Variants in PTPRR observed in about 807,000 individuals in gnomAD.
PTPRR encodes receptor-type tyrosine-protein phosphatase R.
A neutral mutation model predicts 77.2 loss-of-function variants in PTPRR; 38 were observed. The ratio of observed to expected loss-of-function variants is 0.49; its 90% CI spans 0.38 to 0.65. PTPRR has a LOEUF of 0.65. Among genes scored for constraint, PTPRR ranks in the 30% least tolerant of loss-of-function variants. The pLI is 0.00. For synonymous variants in PTPRR, 299 were observed against 283.1 expected, an observed-to-expected ratio of 1.06 and a Z score of -0.57; for missense variants, 744 against 799.2, an observed-to-expected ratio of 0.93 and a Z score of 0.83.
intron 2 of PTPRR, among the ~76,000 whole-genome samples, chr12:70,873,153 G>T (rs1892990798): frequency 6.6e-6 from 1 of 152,264 alleles, no homozygotes; most frequent in Non-Finnish European, 1.5e-5. Context: ...TTGGACAGGT[G>T]GTAGGTAAGA....
At chr12:70,838,317 G>A (rs1892339283) in intron 2 of PTPRR, among the ~76,000 whole-genome samples, 1 of 152,090 alleles carries the variant, frequency 6.6e-6, no homozygotes, top group Non-Finnish European at 1.5e-5. Flanking sequence ...ACATGGATTT[G>A]GTCTCAAAGC....
chr12:70,724,917 C>T (rs938239237), intron 6 of PTPRR, among the ~76,000 whole-genome samples: 2 of 151,926 alleles, frequency 1.3e-5, no homozygotes, highest in African/African-American at 4.8e-5. Context: ...CTTAAATATG[C>T]TTTCAAAATT....
intron 2 of PTPRR, among the ~76,000 whole-genome samples, chr12:70,812,922 G>T (rs1025425749): frequency 6.6e-6 from 1 of 152,158 alleles, no homozygotes; most frequent in African/African-American, 2.4e-5. Context: ...CAGTTTAATT[G>T]CTTGCTCATT....
At chr12:70,843,026 T>G (rs1248382179) in intron 2 of PTPRR, among the ~76,000 whole-genome samples, 4 of 152,198 alleles carry the variant, frequency 2.6e-5, no homozygotes, top group Admixed American at 2.0e-4. Context: ...GAAAAGTATT[T>G]TACTCCAGGA....
rs1886709321 is a variant in PTPRR, at chr12:70,659,314, C to G, written c.1766+1626G>C. Among the ~76,000 whole-genome samples, 3 of 152,082 alleles carry G rather than the reference C, an allele frequency of 2.0e-5. No homozygotes were observed. In the South Asian group the frequency reaches 6.2e-4, roughly 32 times the overall value. ...GAATGCGGTATGTGTGTGCATTTTA[C>G]CAGCTACTTCTAAAATACATGGATG... On this transcript the variant is annotated intron_variant, in intron 12 of 13. Transcript: ENST00000283228.
At chr12:70,672,227 T>C (rs776431497) in intron 10 of PTPRR, 57 of 1,586,752 alleles carry the variant, frequency 3.6e-5, no homozygotes, top group Non-Finnish European at 4.4e-5. Context: ...TCCAGCCACA[T>C]GGCCAGATAA....
rs1383303996 is a variant in PTPRR, at chr12:70,892,817, T to C, written c.219A>G (p.Gln73=). The C allele has an allele frequency of 6.2e-7, 1 of 1,613,580 alleles. No homozygotes were observed. ...RHSYHSSSEA[Q]VSKRHQIVNS... ...TGACAATCTGGTGGCGTTTGCTTAC[T>C]TGAGCTTCGGAAGAGGAATGGTAGC... The change falls in exon 2 of 14, where the codon CAA becomes CAG. Residue 73 remains glutamine (Q), a synonymous_variant. Transcript: ENST00000283228.
At chr12:70,868,080 A>T (rs930909814) in intron 2 of PTPRR, among the ~76,000 whole-genome samples, 1 of 152,168 alleles carries the variant, frequency 6.6e-6, no homozygotes, top group African/African-American at 2.4e-5. Context: ...AAACCATAAA[A>T]ACCCTAGACG....
intron 2 of PTPRR, among the ~76,000 whole-genome samples, chr12:70,806,180 C>A (rs996122173): frequency 1.3e-5 from 2 of 152,136 alleles, no homozygotes; most frequent in African/African-American, 4.8e-5. Context: ...GCATCCAAAT[C>A]CTATGTATAT....
chr12:70,912,662 AT>A (rs1893716862), intron 1 of PTPRR, among the ~76,000 whole-genome samples: 1 of 152,152 alleles, frequency 6.6e-6, no homozygotes, highest in African/African-American at 2.4e-5. Context: ...AGATTTGATT[AT>A]GAGGAAAGTT....
chr12:70,659,077 A>AT (rs1886699680), intron 12 of PTPRR, among the ~76,000 whole-genome samples: 2 of 151,200 alleles, frequency 1.3e-5, no homozygotes, highest in South Asian at 4.2e-4. Flanking sequence ...TAATTTTTGT[A>AT]TTTTTAGTAG....
chr12:70,801,379 G>A (rs78500276), intron 2 of PTPRR, among the ~76,000 whole-genome samples: 3,025 of 152,278 alleles, frequency 0.02, 112 homozygotes, highest in African/African-American at 0.069. Flanking sequence ...ATTGAAAAAT[G>A]AGTAAATAAG....
At chr12:70,639,340 G>A (rs1266938511) in intron 13 of PTPRR, 63 bp from the exon 14 acceptor site, 1 of 1,558,302 alleles carries the variant, frequency 6.4e-7, no homozygotes, top group East Asian at 2.2e-5. Flanking sequence ...AAGTAACACA[G>A]AGATTTCATC....
chr12:70,674,121 A>G (rs969375492), intron 10 of PTPRR, among the ~76,000 whole-genome samples: 7 of 151,964 alleles, frequency 4.6e-5, no homozygotes, highest in Admixed American at 6.6e-5. Context: ...TTTTGTTGAG[A>G]TATAAGTCTC....
chr12:70,910,202 AG>A (rs1391082788), intron 1 of PTPRR, among the ~76,000 whole-genome samples: 1 of 152,196 alleles, frequency 6.6e-6, no homozygotes, highest in Non-Finnish European at 1.5e-5. Context: ...TATTGAATAT[AG>A]AATATATTCA....
At chr12:70,822,367 A>G (rs893676068) in intron 2 of PTPRR, among the ~76,000 whole-genome samples, 1 of 152,214 alleles carries the variant, frequency 6.6e-6, no homozygotes, top group Non-Finnish European at 1.5e-5. Context: ...TGTAGAAACA[A>G]ATAATTTGTG....
At chr12:70,889,464 C>G (rs746159100) in intron 2 of PTPRR, among the ~76,000 whole-genome samples, 1 of 152,162 alleles carries the variant, frequency 6.6e-6, no homozygotes, top group Admixed American at 6.5e-5. Flanking sequence ...AAACCCATAG[C>G]TATCACACGT....
chr12:70,792,212 T>A (rs980286708), intron 2 of PTPRR, among the ~76,000 whole-genome samples: 1 of 152,176 alleles, frequency 6.6e-6, no homozygotes, highest in African/African-American at 2.4e-5. Flanking sequence ...GCTTCTAAGA[T>A]GTGTAGGGTG....
intron 2 of PTPRR, among the ~76,000 whole-genome samples, chr12:70,812,507 G>A (rs1164611622): frequency 1.3e-5 from 2 of 152,162 alleles, no homozygotes; most frequent in Non-Finnish European, 2.9e-5. Flanking sequence ...TTTATTTTCT[G>A]CCATGTGATC....
Sources: gnomAD v4.1 joint callset for allele counts (sites outside exome capture counted in the v4.1 genomes callset) on GRCh38, gnomAD v4.1.1 for gene constraint, MANE v1.5 for transcripts, NCBI Gene and HGNC (gene_info 2026-07-23, HGNC 2026-07-21) for gene names.